Variants in NKAIN2 observed in about 807,000 individuals in gnomAD.
NKAIN2 encodes sodium/potassium-transporting ATPase subunit beta-1-interacting protein 2.
In NKAIN2, 14 loss-of-function variants were observed where a neutral mutation model predicts 32.6. The ratio of observed to expected loss-of-function variants is 0.43; its 90% CI spans 0.28 to 0.67. NKAIN2 has a LOEUF of 0.67. NKAIN2 is among the 30% of genes least tolerant of loss of function. The probability of loss-of-function intolerance (pLI) is 0.17; values close to 1 mark genes in which losing one functional copy is unlikely to be tolerated. For missense variants in NKAIN2, 198 were observed against 258.3 expected (o/e 0.77, Z 1.60); for synonymous variants, 80 against 87.2 (o/e 0.92, Z 0.46).
At chr6:123,917,055 C>T (rs584050) in intron 1 of NKAIN2, among the ~76,000 whole-genome samples, 44,653 of 152,010 alleles carry the variant, frequency 0.29, 7,363 homozygotes, top group Middle Eastern at 0.42. Flanking sequence ...GATAGGCGCA[C>T]CACCATAAAT....
At chr6:124,342,634 A>C (rs1208860090) in intron 2 of NKAIN2, among the ~76,000 whole-genome samples, 1 of 151,728 alleles carries the variant, frequency 6.6e-6, no homozygotes, top group East Asian at 2.0e-4. Flanking sequence ...CAGCCTCCTG[A>C]GTAGCTGGGA....
chr6:124,545,389 A>G (rs1400169508), intron 3 of NKAIN2, among the ~76,000 whole-genome samples: 3 of 152,164 alleles, frequency 2.0e-5, no homozygotes, highest in Non-Finnish European at 4.4e-5. Flanking sequence ...CAAGCCATAG[A>G]TCAAATCCAG....
In NKAIN2 at chr6:124,706,496, C is replaced by CA. The variant is rs201810872; in HGVS notation, c.474+48118dup. On this transcript the variant is annotated intron_variant, in intron 4 of 6. Coordinates refer to ENST00000368417, the MANE Select transcript of NKAIN2 (RefSeq NM_001040214.3). Reference sequence around the variant, plus strand: ...CAGTTTCTTGCTCCATGGAGGTCCTCAAAAAAAACAAAAAAAAGATTGAAT... The same window carrying CA: ...CAGTTTCTTGCTCCATGGAGGTCCTCAAAAAAAAACAAAAAAAAGATTGAAT... Among the ~76,000 whole-genome samples the CA allele has an allele frequency of 8.4e-3, 1,164 of 138,372 alleles. 9 individuals carry two copies. Among genetic ancestry groups the CA allele is most frequent in the South Asian group, 0.032 (134 of 4,236 alleles). The allele number at this position is 138,372 out of a possible 152,430, so 90.8% of individuals were successfully genotyped here. A position where few individuals can be genotyped will look rare whatever the true frequency, so the allele number is the denominator to read the frequency against.
intron 1 of NKAIN2, among the ~76,000 whole-genome samples, chr6:124,098,966 A>C (rs2114944058): frequency 6.6e-6 from 1 of 152,224 alleles, no homozygotes; most frequent in African/African-American, 2.4e-5. Context: ...TTATAGATAA[A>C]AGATAAAATA....
intron 1 of NKAIN2, among the ~76,000 whole-genome samples, chr6:123,878,118 C>T (rs1477935022): frequency 6.6e-6 from 1 of 151,828 alleles, no homozygotes; most frequent in Non-Finnish European, 1.5e-5. Context: ...CCCAGCTACT[C>T]AGTAGGCTGA....
chr6:124,505,554 G>C lies in NKAIN2; in HGVS notation c.273+150207G>C, dbSNP rs6929736. Among the ~76,000 whole-genome samples, 1,245 of 152,276 alleles carry C rather than the reference G, an allele frequency of 8.2e-3. 15 individuals are homozygous for C. The highest frequency in any genetic ancestry group is 0.028 in the African/African-American group (1,171 of 41,540). On this transcript the variant is annotated intron_variant, in intron 3 of 6. Transcript: ENST00000368417. ...CATGCTGAGACAGCTCTTTAATTGG[G>C]AACTTCTGCTAAGCTAGAAAATATG...
chr6:124,385,804 G>A (rs1289233084), intron 3 of NKAIN2, among the ~76,000 whole-genome samples: 1 of 151,936 alleles, frequency 6.6e-6, no homozygotes, highest in Non-Finnish European at 1.5e-5. Context: ...CATATTTATG[G>A]AGTTCTTGCT....
At chr6:124,418,170 GTGTGTGTC>G (rs1774580336) in intron 3 of NKAIN2, among the ~76,000 whole-genome samples, 1 of 151,908 alleles carries the variant, frequency 6.6e-6, no homozygotes, top group East Asian at 1.9e-4. Flanking sequence ...GTGTGTGTGT[GTGTGTGTC>G]TGTGTGTGTG....
Position 124,349,321 on chromosome 6 carries a change from G to A in NKAIN2, c.193-5946G>A, listed in dbSNP as rs148327822. Among the ~76,000 whole-genome samples the A allele has an allele frequency of 4.3e-4, 65 of 152,190 alleles. No homozygotes were observed. The East Asian group carries it at 8.4e-3, about 20-fold the overall frequency. ...CCCTACAAAGGCGGGAACTTCCCGA[G>A]GCTCCACCCCATTCTCCCAGTGCAC... is the stretch of plus-strand genomic sequence containing the variant. On this transcript the variant is annotated intron_variant, in intron 2 of 6. Transcript: ENST00000368417.
intron 1 of NKAIN2, among the ~76,000 whole-genome samples, chr6:124,270,789 G>C (rs1794724431): frequency 6.6e-6 from 1 of 152,086 alleles, no homozygotes; most frequent in South Asian, 2.1e-4. Flanking sequence ...GTTTTTGTTT[G>C]TGTATACTTG....
intron 1 of NKAIN2, among the ~76,000 whole-genome samples, chr6:123,966,770 A>G (rs1582855198): frequency 2.0e-5 from 3 of 152,290 alleles, no homozygotes; most frequent in East Asian, 3.9e-4. Flanking sequence ...TGTCTACTGT[A>G]TACTACTACT....
At chr6:124,332,016 A>T (rs2115053703) in intron 2 of NKAIN2, among the ~76,000 whole-genome samples, 1 of 152,274 alleles carries the variant, frequency 6.6e-6, no homozygotes, top group South Asian at 2.1e-4. Context: ...GGTGATTTAA[A>T]AAACTAAACA....
intron 4 of NKAIN2, among the ~76,000 whole-genome samples, chr6:124,759,744 T>C (rs77988061): frequency 0.017 from 2,651 of 151,898 alleles, 33 homozygotes; most frequent in Non-Finnish European, 0.025. Flanking sequence ...CCAACATTCA[T>C]GTGTTGGAAA....
chr6:124,059,165 G>T (rs1228816895), intron 1 of NKAIN2, among the ~76,000 whole-genome samples: 2 of 152,086 alleles, frequency 1.3e-5, no homozygotes, highest in Non-Finnish European at 2.9e-5. Context: ...TTGTTAAAGT[G>T]TAAGTCTTAC....
At chr6:124,331,358 A>AAAAAAAAAAAAAAAAAAAAAAC (rs1797645918) in intron 2 of NKAIN2, among the ~76,000 whole-genome samples, 1 of 135,268 alleles carries the variant, frequency 7.4e-6, no homozygotes, top group African/African-American at 2.9e-5. Context: ...AAAAAAAAAA[A>AAAAAAAAAAAAAAAAAAAAAAC]AAAAAAAAAA....
intron 1 of NKAIN2, among the ~76,000 whole-genome samples, chr6:124,029,766 C>T (rs571360251): frequency 3.9e-5 from 6 of 152,182 alleles, no homozygotes; most frequent in South Asian, 2.1e-4. Context: ...GGTAGGAGAC[C>T]GAGCGAAGCT....
At chr6:124,726,671 C>G (rs1367430405) in intron 4 of NKAIN2, among the ~76,000 whole-genome samples, 1 of 146,334 alleles carries the variant, frequency 6.8e-6, no homozygotes, top group African/African-American at 2.5e-5. Context: ...CAAAGGAACG[C>G]AGTTCCTCAC....
intron 3 of NKAIN2, among the ~76,000 whole-genome samples, chr6:124,428,477 C>G (rs1244927514): frequency 6.6e-6 from 1 of 152,012 alleles, no homozygotes; most frequent in Non-Finnish European, 1.5e-5. Context: ...TGAATTGCTC[C>G]CTGAGCTCTC....
chr6:124,775,710 T>C (rs1357655120), intron 4 of NKAIN2, among the ~76,000 whole-genome samples: 1 of 152,194 alleles, frequency 6.6e-6, no homozygotes, highest in Non-Finnish European at 1.5e-5. Context: ...AAGCTTGCAC[T>C]CTACGTGAGC....
Sources: allele counts gnomAD v4.1 joint callset (sites outside exome capture counted in the v4.1 genomes callset), GRCh38; gene constraint gnomAD v4.1.1; transcripts MANE v1.5; gene names NCBI Gene and HGNC (gene_info 2026-07-23, HGNC 2026-07-21).